The following M1AP variants were observed in gnomAD, a reference collection of about 807,000 sequenced individuals.
The protein encoded by M1AP is meiosis 1 associated protein.
M1AP carries 39 observed loss-of-function variants against 51.2 expected under a neutral mutation model. That is an observed-to-expected ratio of 0.76 (90% CI 0.59 to 1.00). The LOEUF is 1.00. Among genes scored for constraint, M1AP ranks in the 50% least tolerant of loss-of-function variants. The probability of loss-of-function intolerance (pLI) is 0.00; values close to 1 mark genes in which losing one functional copy is unlikely to be tolerated. For synonymous variants in M1AP, 251 were observed against 249.2 expected, an observed-to-expected ratio of 1.01 and a Z score of -0.07; for missense variants, 545 against 641.2, an observed-to-expected ratio of 0.85 and a Z score of 1.62.
chr2:74,594,541 T>TA (rs767658403), intron 4 of M1AP, among the ~76,000 whole-genome samples: 1 of 151,812 alleles, frequency 6.6e-6, no homozygotes, highest in Non-Finnish European at 1.5e-5. Context: ...AAAAAATATT[T>TA]AAAAAAAATG....
intron 7 of M1AP, among the ~76,000 whole-genome samples, chr2:74,564,134 A>G (rs1322059774): frequency 6.6e-6 from 1 of 152,218 alleles, no homozygotes; most frequent in Non-Finnish European, 1.5e-5. Context: ...TTTTTAGAGG[A>G]AAGAGGATTA....
At chr2:74,637,703 G>T (rs527730937) in intron 2 of M1AP, among the ~76,000 whole-genome samples, 2 of 152,148 alleles carry the variant, frequency 1.3e-5, no homozygotes, top group Non-Finnish European at 2.9e-5. Flanking sequence ...TCTATCCAAT[G>T]TATCATGAAT....
chr2:74,647,312 G>A (rs1683667998), intron 1 of M1AP: 1 of 985,294 alleles, frequency 1.0e-6, no homozygotes, highest in Non-Finnish European at 1.2e-6. Flanking sequence ...CTGCCTCTGC[G>A]GATGTTCTGT....
In M1AP at chr2:74,628,554, C is replaced by T. The variant is rs187685303; in HGVS notation, c.240+11482G>A. On this transcript the variant is annotated intron_variant, in intron 2 of 10. Transcript: ENST00000421985. ...CCAAAGCACTGCACAGACTGTAAGTCCCAATCAAAAGATTCTTGATTCAGC... is the reference window on the plus strand; with the variant it reads ...CCAAAGCACTGCACAGACTGTAAGTTCCAATCAAAAGATTCTTGATTCAGC... 2.4e-3 allele frequency: 1,259 copies of T among 531,410 alleles called. 8 individuals carry two copies. Among genetic ancestry groups the T allele is most frequent in the Non-Finnish European group, 3.0e-3 (819 of 277,374 alleles). The allele number at this position is 531,410 out of a possible 1,614,324, so 32.9% of individuals were successfully genotyped here. A position where few individuals can be genotyped will look rare whatever the true frequency, so the allele number is the denominator to read the frequency against.
rs746860576 is a variant in M1AP at position 74,593,931 on chromosome 2, G to A, written c.596-12084C>T. Among the ~76,000 whole-genome samples, 328 of 152,318 alleles carry A rather than the reference G, an allele frequency of 2.2e-3. 3 individuals are homozygous for A. The highest frequency in any genetic ancestry group is 2.7e-3 in the Non-Finnish European group (182 of 68,018). ...CTGGGGCAACCAGGACCTCCAGAGA[G>A]TGAGGAAGAAATCCATGAAAGGAGA... On this transcript the variant is annotated intron_variant, in intron 4 of 10. Transcript: ENST00000421985.
chr2:74,596,340 T>G (rs1303434804), intron 4 of M1AP, among the ~76,000 whole-genome samples: 1 of 152,132 alleles, frequency 6.6e-6, no homozygotes, highest in African/African-American at 2.4e-5. Flanking sequence ...CCCAGCACTT[T>G]GGGAGGCTGA....
intron 4 of M1AP, among the ~76,000 whole-genome samples, chr2:74,596,455 A>G (rs547116385): frequency 6.6e-6 from 1 of 152,160 alleles, no homozygotes; most frequent in Admixed American, 6.5e-5. Flanking sequence ...GGTGGCGGGC[A>G]CCTGTAGTCC....
At position 74,569,244 on chromosome 2, in the gene M1AP, G is replaced by C. The variant is rs147373894; in HGVS notation, c.1074+6194C>G. On this transcript the variant is annotated intron_variant, in intron 7 of 10. Coordinates refer to ENST00000421985, the MANE Select transcript of M1AP (RefSeq NM_001321739.2). ...TATGTGGAAATCATGTGTTAGACATGTGCTGGGTGCTTTACACACGCAATA... is the reference window on the plus strand; with the variant it reads ...TATGTGGAAATCATGTGTTAGACATCTGCTGGGTGCTTTACACACGCAATA... Among the ~76,000 whole-genome samples, 669 of 152,308 alleles carry C rather than the reference G, an allele frequency of 4.4e-3. 2 individuals carry two copies. Among genetic ancestry groups the C allele is most frequent in the African/African-American group, 0.015 (619 of 41,558 alleles).
intron 5 of M1AP, chr2:74,576,934 G>GA: frequency 9.0e-7 from 1 of 1,105,844 alleles, no homozygotes; most frequent in South Asian, 2.7e-5. Flanking sequence ...TGAGACATCT[G>GA]GCTTGTGATC....
chr2:74,562,563 G>A, intron 7 of M1AP, 140 bp from the exon 8 acceptor site: 4 of 774,260 alleles, frequency 5.2e-6, no homozygotes, highest in Non-Finnish European at 8.4e-6. Flanking sequence ...GGTAGGGAGG[G>A]ACTTCCTGCA....
At chr2:74,562,519 G>A in intron 7 of M1AP, 96 bp from the exon 8 acceptor site, 2 of 1,361,728 alleles carry the variant, frequency 1.5e-6, no homozygotes, top group East Asian at 2.4e-5. Flanking sequence ...TTCCAGGGGT[G>A]CTGAGGAGGG....
intron 7 of M1AP, among the ~76,000 whole-genome samples, chr2:74,562,696 G>T (rs1390227748): frequency 1.3e-5 from 2 of 152,198 alleles, no homozygotes; most frequent in African/African-American, 2.4e-5. Flanking sequence ...TGAAGTAGGT[G>T]TTCATCCCAG....
At chr2:74,623,648 T>C (rs910386064) in intron 2 of M1AP, among the ~76,000 whole-genome samples, 1 of 152,186 alleles carries the variant, frequency 6.6e-6, no homozygotes, top group Non-Finnish European at 1.5e-5. Flanking sequence ...TTGAAACTGG[T>C]TTAACTTATG....
chr2:74,580,268 TTAA>T (rs1381627589), intron 5 of M1AP, among the ~76,000 whole-genome samples: 8 of 152,216 alleles, frequency 5.3e-5, no homozygotes, highest in African/African-American at 1.9e-4. Flanking sequence ...GAGGCAGGGC[TTAA>T]TAATGTTAGC....
rs180890980 is a variant in M1AP, at chr2:74,590,224, G to A, written c.596-8377C>T. Among the ~76,000 whole-genome samples, 47 of 152,310 alleles carry A rather than the reference G, an allele frequency of 3.1e-4. 1 individual carries two copies. Among genetic ancestry groups the A allele is most frequent in the Admixed American group, 1.1e-3 (17 of 15,300 alleles). On this transcript the variant is annotated intron_variant, in intron 4 of 10. Transcript: ENST00000421985. ...AGATCAAGGTGCTGGCAGATTCAAT[G>A]TCTGGGGAGGACCTGTTTTTGGTTG...
intron 4 of M1AP, among the ~76,000 whole-genome samples, chr2:74,591,077 C>G (rs942948980): frequency 6.6e-6 from 1 of 152,124 alleles, no homozygotes; most frequent in African/African-American, 2.4e-5. Flanking sequence ...ACACTTGACT[C>G]CTGAAAGCAA....
intron 2 of M1AP, among the ~76,000 whole-genome samples, chr2:74,620,507 A>C (rs1467873573): frequency 1.3e-5 from 2 of 152,210 alleles, no homozygotes; most frequent in Non-Finnish European, 2.9e-5. Context: ...TCATTGGAGA[A>C]TGTGACTACC....
chr2:74,622,634 G>A (rs534901711), intron 2 of M1AP, among the ~76,000 whole-genome samples: 1 of 149,730 alleles, frequency 6.7e-6, no homozygotes, highest in African/African-American at 2.5e-5. Context: ...CTAGTAAATG[G>A]TGCTGATTTA....
chr2:74,591,730 T>C (rs1250546766), intron 4 of M1AP, among the ~76,000 whole-genome samples: 1 of 152,020 alleles, frequency 6.6e-6, no homozygotes, highest in Non-Finnish European at 1.5e-5. Flanking sequence ...TTGGGGGAGC[T>C]AAGTAGAGTA....
Sources: gnomAD v4.1 joint callset for allele counts (sites outside exome capture counted in the v4.1 genomes callset) on GRCh38, gnomAD v4.1.1 for gene constraint, MANE v1.5 for transcripts, NCBI Gene and HGNC (gene_info 2026-07-23, HGNC 2026-07-21) for gene names.